Variants in PSD3 observed in about 807,000 individuals in gnomAD.
PSD3 encodes the protein PH and SEC7 domain-containing protein 3.
PSD3 carries 49 observed loss-of-function variants against 105.5 expected under a neutral mutation model. The ratio of observed to expected loss-of-function variants is 0.46; its 90% CI spans 0.37 to 0.59. The LOEUF (loss-of-function observed/expected upper bound fraction) is 0.59. PSD3 is among the 20% of genes least tolerant of loss of function. The pLI is 0.00. For synonymous variants in PSD3, 557 were observed against 457.8 expected (o/e 1.22, Z -2.77); for missense variants, 1,561 against 1,263.8 (o/e 1.24, Z -3.57).
intron 1 of PSD3, among the ~76,000 whole-genome samples, chr8:19,047,333 C>T (rs995516442): frequency 5.9e-5 from 9 of 152,138 alleles, no homozygotes; most frequent in South Asian, 2.1e-4. Context: ...TAGATTTCAC[C>T]GCAAGTAAAG....
At position 18,645,817 on chromosome 8, in the gene PSD3, C is replaced by T. The variant is rs562352891; in HGVS notation, c.2216+9825G>A. 6.2e-4 allele frequency among the ~76,000 whole-genome samples: 95 copies of T among 152,116 alleles called. No individual in the cohort carries two copies. The Middle Eastern group carries it at 0.01, about 16-fold the overall frequency. On this transcript the variant is annotated intron_variant, in intron 10 of 15. Transcript: ENST00000327040. ...CTGAGTTTTATTCCTTCTGTTTCTC[C>T]CAACAATAAATGAATGCATTATTCC...
intron 9 of PSD3, among the ~76,000 whole-genome samples, chr8:18,657,754 A>G (rs1809009354): frequency 6.6e-6 from 1 of 152,248 alleles, no homozygotes; most frequent in South Asian, 2.1e-4. Context: ...TGAACCCACA[A>G]GTAACAGTGG....
At chr8:19,007,667 G>T (rs927790375) in intron 1 of PSD3, among the ~76,000 whole-genome samples, 1 of 149,976 alleles carries the variant, frequency 6.7e-6, no homozygotes, top group African/African-American at 2.4e-5. Flanking sequence ...TAGGTCAGTG[G>T]ACAAGGTTTT....
chr8:18,902,247 T>G (rs1819550747), intron 2 of PSD3, among the ~76,000 whole-genome samples: 1 of 152,228 alleles, frequency 6.6e-6, no homozygotes, highest in Admixed American at 6.5e-5. Flanking sequence ...ACTTCAGAGA[T>G]TCTTACGCTT....
At chr8:18,822,981 A>G (rs1386344865) in intron 4 of PSD3, among the ~76,000 whole-genome samples, 1 of 152,166 alleles carries the variant, frequency 6.6e-6, no homozygotes, top group African/African-American at 2.4e-5. Flanking sequence ...GATCCAATCA[A>G]TCAGCTCTTG....
intron 9 of PSD3, among the ~76,000 whole-genome samples, chr8:18,666,703 A>G (rs1799483304): frequency 6.9e-6 from 1 of 145,384 alleles, no homozygotes; most frequent in Non-Finnish European, 1.5e-5. Flanking sequence ...GTGGGAATGT[A>G]GCTTCACTAT....
intron 9 of PSD3, among the ~76,000 whole-genome samples, chr8:18,675,632 C>T (rs11203981): frequency 0.024 from 3,631 of 152,056 alleles, 140 homozygotes; most frequent in African/African-American, 0.082. Flanking sequence ...CAAATTCCAC[C>T]GATATCAGGT....
intron 2 of PSD3, among the ~76,000 whole-genome samples, chr8:18,912,759 G>A (rs1308130689): frequency 6.6e-6 from 1 of 152,058 alleles, no homozygotes; most frequent in African/African-American, 2.4e-5. Flanking sequence ...GTGACAGGTG[G>A]GACCCTATTG....
At chr8:18,971,523 C>T (rs1824651639) in intron 1 of PSD3, among the ~76,000 whole-genome samples, 1 of 152,146 alleles carries the variant, frequency 6.6e-6, no homozygotes, top group Non-Finnish European at 1.5e-5. Flanking sequence ...AGATCACAGG[C>T]CCAATCTGAT....
chr8:18,836,566 T>C (rs183498789), intron 4 of PSD3, among the ~76,000 whole-genome samples: 49 of 152,312 alleles, frequency 3.2e-4, no homozygotes, highest in African/African-American at 1.2e-3. Context: ...TCAGTGAATA[T>C]ATACATTTGT....
chr8:19,026,173 T>C (rs754689925), intron 1 of PSD3, among the ~76,000 whole-genome samples: 5 of 152,096 alleles, frequency 3.3e-5, no homozygotes, highest in Non-Finnish European at 5.9e-5. Context: ...CCACAAAATA[T>C]GGGAATTATG....
chr8:18,682,586 C>A (rs879753168), intron 9 of PSD3, among the ~76,000 whole-genome samples: 73 of 152,222 alleles, frequency 4.8e-4, no homozygotes, highest in African/African-American at 1.7e-3. Context: ...GATTTGAAGA[C>A]TTACTGGAGC....
chr8:18,560,641 A>G (rs1801341913), intron 14 of PSD3, among the ~76,000 whole-genome samples: 1 of 152,170 alleles, frequency 6.6e-6, no homozygotes, highest in South Asian at 2.1e-4. Context: ...CTTTCATAAT[A>G]TATACAACAA....
At chr8:18,567,234 G>A (rs759215720) in intron 14 of PSD3, among the ~76,000 whole-genome samples, 1 of 149,312 alleles carries the variant, frequency 6.7e-6, no homozygotes, top group Admixed American at 6.8e-5. Flanking sequence ...AAAGTCCACC[G>A]TAAAATTAAT....
At chr8:18,600,277 T>G in intron 12 of PSD3, 87 bp downstream of exon 12, 1 of 1,192,524 alleles carries the variant, frequency 8.4e-7, no homozygotes, top group Admixed American at 2.3e-5. Context: ...AAACCACAGA[T>G]AAGGGAGACT....
intron 1 of PSD3, among the ~76,000 whole-genome samples, chr8:18,967,962 G>T (rs1023389985): frequency 6.6e-6 from 1 of 152,146 alleles, no homozygotes. Context: ...TTCTACAAAA[G>T]GCTAGCAAAA....
At chr8:18,797,924 C>A (rs1201379650) in intron 8 of PSD3, among the ~76,000 whole-genome samples, 1 of 151,964 alleles carries the variant, frequency 6.6e-6, no homozygotes, top group Non-Finnish European at 1.5e-5. Context: ...TTATATGTGG[C>A]CAAACGCACT....
chr8:18,943,126 G>T (rs1379041141), intron 1 of PSD3, among the ~76,000 whole-genome samples: 3 of 152,198 alleles, frequency 2.0e-5, no homozygotes, highest in African/African-American at 7.2e-5. Flanking sequence ...CCTGGGTATA[G>T]AGACAGGGTG....
chr8:18,684,743 C>T (rs747636593), intron 9 of PSD3, among the ~76,000 whole-genome samples: 1 of 152,110 alleles, frequency 6.6e-6, no homozygotes, highest in Non-Finnish European at 1.5e-5. Flanking sequence ...GAGAAAATGA[C>T]TGGGGGGTTA....
Sources: allele counts gnomAD v4.1 joint callset (sites outside exome capture counted in the v4.1 genomes callset), GRCh38; gene constraint gnomAD v4.1.1; transcripts MANE v1.5; gene names NCBI Gene and HGNC (gene_info 2026-07-23, HGNC 2026-07-21).